PTPN21: variants seen among roughly 807,000 people sequenced by gnomAD.
PTPN21 encodes the protein protein tyrosine phosphatase non-receptor type 21, also known as tyrosine-protein phosphatase non-receptor type 21.
Under a neutral mutation model 131.8 loss-of-function variants are expected in PTPN21, and 77 were observed. That is an observed-to-expected ratio of 0.58 (90% CI 0.49 to 0.71). The LOEUF (loss-of-function observed/expected upper bound fraction) is 0.71, where lower values mean the gene tolerates loss of function less well. Among genes scored for constraint, PTPN21 ranks in the 30% least tolerant of loss-of-function variants. The pLI, the probability that PTPN21 is intolerant of heterozygous loss-of-function variation, is 0.00. For synonymous variants in PTPN21, 715 were observed against 621.3 expected, an observed-to-expected ratio of 1.15 and a Z score of -2.24; for missense variants, 1,552 against 1,527.1, an observed-to-expected ratio of 1.02 and a Z score of -0.27.
In PTPN21 at chr14:88,481,965, A is replaced by G. The variant is rs560201191; in HGVS notation, c.1079-1613T>C. 3.9e-5 allele frequency among the ~76,000 whole-genome samples: 6 copies of G among 152,344 alleles called. No individual in the cohort carries two copies. The East Asian group carries it at 1.2e-3, about 29-fold the overall frequency. On this transcript the variant is annotated intron_variant, in intron 12 of 18. Transcript: ENST00000556564. ...CACTGACCAACAACATTCCAGAGAG[A>G]AGAGCCTCTCCAGCTCAAGCCCCTA...
intron 12 of PTPN21, among the ~76,000 whole-genome samples, chr14:88,482,126 T>G (rs2140102962): frequency 6.6e-6 from 1 of 152,328 alleles, no homozygotes; most frequent in Admixed American, 6.5e-5. Flanking sequence ...CCGGTCTGCA[T>G]GGCAGCATGT....
chr14:88,483,840 T>C (rs747421121), intron 12 of PTPN21, among the ~76,000 whole-genome samples: 2 of 152,136 alleles, frequency 1.3e-5, no homozygotes, highest in Non-Finnish European at 2.9e-5. Context: ...AACTATCATA[T>C]TCAAGTTATT....
At chr14:88,508,707 C>T (rs2078135363) in intron 3 of PTPN21, among the ~76,000 whole-genome samples, 2 of 152,134 alleles carry the variant, frequency 1.3e-5, no homozygotes. Context: ...AGTTTGCTTA[C>T]CTTGTTTGGT....
chr14:88,473,031 A>C (rs2140086361), intron 14 of PTPN21, among the ~76,000 whole-genome samples: 1 of 152,282 alleles, frequency 6.6e-6, no homozygotes, highest in Non-Finnish European at 1.5e-5. Context: ...ATCTGTGGTC[A>C]ATTTTGTGAC....
chr14:88,521,217 C>A (rs1321933825), intron 2 of PTPN21, among the ~76,000 whole-genome samples: 2 of 152,074 alleles, frequency 1.3e-5, no homozygotes, highest in Non-Finnish European at 2.9e-5. Context: ...ATTACTGACT[C>A]CTCCCCTCAA....
rs1032575149 is a variant in PTPN21, at chr14:88,489,645, G to T, written c.933-3803C>A. ...AGCCTGGAAGACAGAGCAAGACCCCGTCTCTTTAAAAAAATAAATAAATAA... is the reference window on the plus strand; with the variant it reads ...AGCCTGGAAGACAGAGCAAGACCCCTTCTCTTTAAAAAAATAAATAAATAA... On this transcript the variant is annotated intron_variant, in intron 10 of 18. Coordinates refer to ENST00000556564, the MANE Select transcript of PTPN21 (RefSeq NM_007039.4). Among the ~76,000 whole-genome samples, 3 of 151,968 alleles carry T rather than the reference G, an allele frequency of 2.0e-5. No homozygotes were observed. In the East Asian group the frequency reaches 5.8e-4, roughly 29 times the overall value.
At chr14:88,524,599 T>G (rs1478778040) in intron 2 of PTPN21, among the ~76,000 whole-genome samples, 2 of 152,150 alleles carry the variant, frequency 1.3e-5, no homozygotes. Flanking sequence ...AAAAAATAGA[T>G]AAACTTATTT....
intron 10 of PTPN21, among the ~76,000 whole-genome samples, chr14:88,489,369 T>C (rs1041259859): frequency 8.5e-5 from 13 of 152,112 alleles, no homozygotes; most frequent in Non-Finnish European, 1.9e-4. Context: ...GTTCAAGGAA[T>C]AGATTCCTTC....
intron 10 of PTPN21, among the ~76,000 whole-genome samples, chr14:88,488,735 T>C (rs1482863933): frequency 1.3e-5 from 2 of 152,120 alleles, no homozygotes; most frequent in East Asian, 3.9e-4. Flanking sequence ...GGAGGATCCC[T>C]TGAATCCAGG....
intron 15 of PTPN21, among the ~76,000 whole-genome samples, chr14:88,471,458 A>G (rs1400626820): frequency 2.0e-5 from 3 of 152,190 alleles, no homozygotes; most frequent in African/African-American, 7.2e-5. Flanking sequence ...CTAGGGAAGG[A>G]CAGCCTCTTA....
At chr14:88,531,298 C>T (rs1030518968) in intron 2 of PTPN21, among the ~76,000 whole-genome samples, 15 of 152,312 alleles carry the variant, frequency 9.8e-5, no homozygotes, top group African/African-American at 3.6e-4. Context: ...GTGGCTCACG[C>T]CTGTAATCCC....
chr14:88,466,002 G>A lies in PTPN21; in HGVS notation c.*2135C>T, dbSNP rs1164370895. The A allele has an allele frequency of 6.6e-6, 1 of 151,232 alleles. No homozygotes were observed. Among genetic ancestry groups the A allele is most frequent in the Non-Finnish European group, 1.5e-5 (1 of 67,964 alleles). 9.4% of individuals were successfully genotyped at this position (151,232 alleles called of 1,614,324 possible). On this transcript the variant is annotated 3_prime_UTR_variant, in exon 19 of 19. Coordinates refer to ENST00000556564, the MANE Select transcript of PTPN21 (RefSeq NM_007039.4). ...TAGATTTGTTTTACAATATGTTCTTGTCAACGAGCTATGTCAAACTGTTTG... is the reference window on the plus strand; with the variant it reads ...TAGATTTGTTTTACAATATGTTCTTATCAACGAGCTATGTCAAACTGTTTG...
chr14:88,481,238 A>G (rs936970581), intron 12 of PTPN21, among the ~76,000 whole-genome samples: 1 of 152,216 alleles, frequency 6.6e-6, no homozygotes. Flanking sequence ...TACTTAAGTA[A>G]TACACCACAA....
intron 2 of PTPN21, among the ~76,000 whole-genome samples, chr14:88,528,114 T>C (rs777843682): frequency 6.6e-6 from 1 of 152,234 alleles, no homozygotes; most frequent in Non-Finnish European, 1.5e-5. Flanking sequence ...CTACTTAGTC[T>C]TGCTTTGGCT....
At position 88,550,468 on chromosome 14, in the gene PTPN21, C is replaced by A; in HGVS notation, c.-51G>T. 4 of 1,549,734 alleles carry A rather than the reference C, an allele frequency of 2.6e-6. No individual in the cohort carries two copies. Among genetic ancestry groups the A allele is most frequent in the East Asian group, 4.5e-5 (2 of 44,584 alleles). On this transcript the variant is annotated 5_prime_UTR_variant, in exon 2 of 19. Coordinates refer to ENST00000556564, the MANE Select transcript of PTPN21 (RefSeq NM_007039.4). ...AGCAAAGAGGGAAAAGCTACCCCCA[C>A]CAACCCAGCGCTGGTGACGCCAGGA...
At chr14:88,527,291 C>T (rs1207669334) in intron 2 of PTPN21, among the ~76,000 whole-genome samples, 1 of 152,156 alleles carries the variant, frequency 6.6e-6, no homozygotes, top group Non-Finnish European at 1.5e-5. Context: ...AAAGTGTTCC[C>T]TTCTCACCAC....
intron 4 of PTPN21, 142 bp downstream of exon 4, chr14:88,507,781 C>A: frequency 4.2e-6 from 2 of 473,168 alleles, no homozygotes; most frequent in East Asian, 3.3e-5. Context: ...AAAAGGAAGC[C>A]CCTTAGATAA....
chr14:88,533,692 G>A (rs1366467551), intron 2 of PTPN21, among the ~76,000 whole-genome samples: 1 of 152,060 alleles, frequency 6.6e-6, no homozygotes. Context: ...AGAACAGCCT[G>A]GGCAACATAG....
At chr14:88,535,677 C>A (rs2078620684) in intron 2 of PTPN21, among the ~76,000 whole-genome samples, 1 of 152,224 alleles carries the variant, frequency 6.6e-6, no homozygotes, top group Non-Finnish European at 1.5e-5. Flanking sequence ...TTGAATCAAG[C>A]ATGCTTCTTC....
Sources: gnomAD v4.1 joint callset for allele counts (sites outside exome capture counted in the v4.1 genomes callset) on GRCh38, gnomAD v4.1.1 for gene constraint, MANE v1.5 for transcripts, NCBI Gene and HGNC (gene_info 2026-07-23, HGNC 2026-07-21) for gene names.